The following DDX24 variants were observed in gnomAD, a reference collection of about 807,000 sequenced individuals.
The protein encoded by DDX24 is ATP-dependent RNA helicase DDX24.
DDX24 carries 24 observed loss-of-function variants against 68.9 expected under a neutral mutation model. The ratio of observed to expected loss-of-function variants is 0.35; its 90% CI spans 0.25 to 0.49. DDX24 has a LOEUF of 0.49. Among genes scored for constraint, DDX24 ranks in the 20% least tolerant of loss-of-function variants. The pLI, the probability that DDX24 is intolerant of heterozygous loss-of-function variation, is 0.99. For synonymous variants in DDX24, 395 were observed against 385.2 expected, an observed-to-expected ratio of 1.03 and a Z score of -0.30; for missense variants, 989 against 1,039.0, an observed-to-expected ratio of 0.95 and a Z score of 0.66.
intron 7 of DDX24, 111 bp downstream of exon 7, chr14:94,054,885 G>C (rs1426286974): frequency 2.8e-5 from 35 of 1,244,928 alleles, no homozygotes; most frequent in Admixed American, 2.6e-4. Context: ...GCTGTTGGCA[G>C]AACCATTCCT....
chr14:94,073,675 T>G (rs1403967660), intron 2 of DDX24, among the ~76,000 whole-genome samples: 1 of 152,148 alleles, frequency 6.6e-6, no homozygotes, highest in South Asian at 2.1e-4. Context: ...ATAAAACATG[T>G]ATTCACATAA....
At chr14:94,060,750 C>T (rs1885579848) in intron 4 of DDX24, 137 bp from the exon 5 acceptor site, 1 of 1,456,022 alleles carries the variant, frequency 6.9e-7, no homozygotes, top group East Asian at 2.3e-5. Flanking sequence ...ATCAGGCCCT[C>T]AACTAATCTC....
At chr14:94,071,451 C>CGA (rs1567061300) in intron 2 of DDX24, among the ~76,000 whole-genome samples, 1 of 152,108 alleles carries the variant, frequency 6.6e-6, no homozygotes, top group Admixed American at 6.5e-5. Context: ...GAGTTCAAGA[C>CGA]CAGCCTGGCC....
intron 2 of DDX24, among the ~76,000 whole-genome samples, chr14:94,075,331 G>A (rs1179046885): frequency 7.9e-5 from 12 of 152,234 alleles, no homozygotes; most frequent in Non-Finnish European, 1.5e-5. Flanking sequence ...AAAACAAAAA[G>A]ACTCCAGAGA....
chr14:94,060,051 C>T (rs914636987), intron 5 of DDX24, 47 bp downstream of exon 5: 2 of 1,552,344 alleles, frequency 1.3e-6, no homozygotes, highest in Admixed American at 3.9e-5. Context: ...CCCTTTTACC[C>T]CAGTAACTAA....
Position 94,062,537 on chromosome 14 carries a change from C to T in DDX24, c.803G>A (p.Ser268Asn), listed in dbSNP as rs554839405. The change falls in exon 3 of 9, where the codon AGT (serine) becomes AAT (asparagine). Residue 268 changes from serine (S) to asparagine (N), a missense_variant. Transcript: ENST00000621632. ...WQKRNAAPPP[S>N]NTEAPPGETR... Reference sequence around the variant, plus strand: ...CTCTCCAGGTGGTGCTTCGGTGTTACTTGGAGGAGGGGCAGCATTCCTCTT... The same window carrying T: ...CTCTCCAGGTGGTGCTTCGGTGTTATTTGGAGGAGGGGCAGCATTCCTCTT... 2.5e-6 allele frequency: 4 copies of T among 1,614,180 alleles called. No individual in the cohort carries two copies. In the African/African-American group the frequency reaches 5.3e-5, roughly 22 times the overall value.
At chr14:94,074,740 A>T (rs989782280) in intron 2 of DDX24, among the ~76,000 whole-genome samples, 2 of 152,344 alleles carry the variant, frequency 1.3e-5, no homozygotes. Context: ...GAAAAACAAA[A>T]GGCATCCAAG....
chr14:94,070,635 CAG>C (rs1258926122), intron 2 of DDX24, among the ~76,000 whole-genome samples: 1 of 152,218 alleles, frequency 6.6e-6, no homozygotes, highest in African/African-American at 2.4e-5. Flanking sequence ...GTCACCAAAA[CAG>C]AGTGATACTG....
chr14:94,073,150 A>T (rs1174531698), intron 2 of DDX24, among the ~76,000 whole-genome samples: 2 of 150,260 alleles, frequency 1.3e-5, no homozygotes, highest in African/African-American at 2.5e-5. Context: ...CAGTGGCACA[A>T]TCTCAGCTCA....
At chr14:94,060,663 A>T in intron 4 of DDX24, 50 bp from the exon 5 acceptor site, 1 of 1,585,876 alleles carries the variant, frequency 6.3e-7, no homozygotes, top group Non-Finnish European at 8.6e-7. Context: ...GGTTAAGAGG[A>T]ATCATCTATA....
Position 94,054,990 on chromosome 14 carries a change from T to TTCTA in DDX24, c.2178+2_2178+5dup, listed in dbSNP as rs1409103421. 3 of 1,613,656 alleles carry TTCTA rather than the reference T, an allele frequency of 1.9e-6. No individual in the cohort carries two copies. In the Admixed American group the frequency reaches 5.0e-5, roughly 27 times the overall value. ...CATTAGCACTGGGGTTTTAACTGCTTTCTACCTTGACCACATCCATGTATT... is the reference window on the plus strand; with the variant it reads ...CATTAGCACTGGGGTTTTAACTGCTTTCTATCTACCTTGACCACATCCATGTATT... On this transcript the variant is annotated splice_donor_region_variant and intron_variant, in intron 7 of 8. Transcript: ENST00000621632.
chr14:94,055,202 G>A lies in DDX24; in HGVS notation c.1990-18C>T. The stretch of plus-strand genomic sequence containing the variant: ...CGTGGGACCTGCCACAGGAAGAACT[G>A]GGAGATCAATACATGGCCACTGCCA... On this transcript the variant is annotated intron_variant, in intron 6 of 8. Coordinates refer to ENST00000621632, the MANE Select transcript of DDX24 (RefSeq NM_020414.4). 6.2e-7 allele frequency: 1 copy of A among 1,608,800 alleles called. No homozygotes were observed. The highest frequency in any genetic ancestry group is 8.5e-7 in the Non-Finnish European group (1 of 1,176,614).
In DDX24 at chr14:94,079,400, G is replaced by C. The variant is rs61757452; in HGVS notation, c.343C>G (p.Gln115Glu). 6,632 of 1,613,940 alleles carry C rather than the reference G, an allele frequency of 4.1e-3. 219 individuals are homozygous for C. The African/African-American group carries it at 0.074, about 18-fold the overall frequency. Reference protein sequence around the residue: ...KNVATEGTSTQKEFEVKDPEL... With the variant: ...KNVATEGTSTEKEFEVKDPEL... ...GGATCTTTCACTTCAAATTCTTTCT[G>C]GGTACTGGTTCCTTCAGTTGCTACA... Residue 115 changes from glutamine to glutamate, a missense_variant, in exon 2 of 9, where the codon CAG (glutamine) becomes GAG (glutamate). Around this residue, in one of 3 missense-constraint regions of DDX24, gnomAD observed 295 missense variants for 263.0 expected, o/e 1.12. Coordinates refer to ENST00000621632, the MANE Select transcript of DDX24 (RefSeq NM_020414.4).
chr14:94,078,524 T>C (rs1000993931), intron 2 of DDX24, among the ~76,000 whole-genome samples: 1 of 152,180 alleles, frequency 6.6e-6, no homozygotes. Flanking sequence ...ATCCTTCCAA[T>C]GACAAGAAAC....
chr14:94,053,182 A>G, intron 7 of DDX24, 55 bp from the exon 8 acceptor site: 1 of 1,610,426 alleles, frequency 6.2e-7, no homozygotes, highest in Non-Finnish European at 8.5e-7. Flanking sequence ...GCCTCTGGGA[A>G]GCAAAGTCTC....
At chr14:94,051,615 G>T in intron 8 of DDX24, 153 bp from the exon 9 acceptor site, 1 of 984,728 alleles carries the variant, frequency 1.0e-6, no homozygotes, top group Non-Finnish European at 1.5e-6. Flanking sequence ...GGCTTGGCAG[G>T]GGCTGTAAAT....
intron 2 of DDX24, among the ~76,000 whole-genome samples, chr14:94,070,803 C>A (rs1202723948): frequency 6.6e-6 from 1 of 152,178 alleles, no homozygotes; most frequent in East Asian, 1.9e-4. Context: ...AACTGGCTAG[C>A]CACCTGTAGG....
At chr14:94,060,730 C>G (rs145411673) in intron 4 of DDX24, 117 bp from the exon 5 acceptor site, 4 of 1,454,544 alleles carry the variant, frequency 2.7e-6, no homozygotes, top group Non-Finnish European at 3.7e-6. Context: ...ACCCCACTAC[C>G]ACCACCACCA....
chr14:94,060,613 C>A lies in DDX24; in HGVS notation c.1398G>T (p.Arg466Ser). ...GGTCAGCCTCATCCACTACCAGGCACCTGCAGATCCAGAGAGACCCATATC... is the reference window on the plus strand; with the variant it reads ...GGTCAGCCTCATCCACTACCAGGCAACTGCAGATCCAGAGAGACCCATATC... ...HYHLRNLRQL[R>S]CLVVDEADRM... Residue 466 changes from arginine (R) to serine (S), a missense_variant and splice_region_variant, in exon 5 of 9, where the codon AGG (arginine) becomes AGT (serine). Arg to Ser is a moderately radical substitution (Grantham distance 110). Around this residue, in one of 3 missense-constraint regions of DDX24, gnomAD observed 691 missense variants for 760.0 expected, o/e 0.91. Coordinates refer to ENST00000621632, the MANE Select transcript of DDX24 (RefSeq NM_020414.4). 6.2e-7 allele frequency: 1 copy of A among 1,612,218 alleles called. No individual in the cohort carries two copies. The highest frequency in any genetic ancestry group is 8.5e-7 in the Non-Finnish European group (1 of 1,178,704).
Sources: allele counts gnomAD v4.1 joint callset (sites outside exome capture counted in the v4.1 genomes callset), GRCh38; gene constraint gnomAD v4.1.1; regional missense constraint gnomAD v4.1.1; transcripts MANE v1.5; gene names NCBI Gene and HGNC (gene_info 2026-07-23, HGNC 2026-07-21).